NAV3: variants seen among roughly 807,000 people sequenced by gnomAD.
The protein encoded by NAV3 is neuron navigator 3.
Under a neutral mutation model 244.7 loss-of-function variants are expected in NAV3, and 87 were observed. The ratio of observed to expected loss-of-function variants is 0.36; its 90% confidence interval spans 0.30 to 0.42. The LOEUF (loss-of-function observed/expected upper bound fraction) is 0.42, where lower values mean the gene tolerates loss of function less well. NAV3 is among the 20% of genes least tolerant of loss of function. The pLI is 1.00. For synonymous variants in NAV3, 1,126 were observed against 1,042.2 expected (o/e 1.08, Z -1.55); for missense variants, 2,663 against 2,893.3 (o/e 0.92, Z 1.83).
chr12:78,122,272 C>G lies in NAV3; in HGVS notation c.4082C>G (p.Pro1361Arg), dbSNP rs751841384. The G allele has an allele frequency of 6.2e-7, 1 of 1,614,152 alleles. No individual in the cohort carries two copies. Among genetic ancestry groups the G allele is most frequent in the Non-Finnish European group, 8.5e-7 (1 of 1,180,032 alleles). ...TCCTCTGCAGGCAGCAAGGATACTC[C>G]GAGCTACCAGTCCATGACTAGCCTC... The part of the protein sequence containing the change: ...SSSSAGSKDT[P>R]SYQSMTSLHT... Residue 1361 changes from proline to arginine, a missense_variant, in exon 16 of 40, where the codon CCG (proline) becomes CGG (arginine). Around this residue, in one of 6 missense-constraint regions of NAV3, gnomAD observed 354 missense variants for 413.0 expected, o/e 0.86. Transcript: ENST00000397909.
chr12:77,763,375 C>T (rs370852599), intron 2 of NAV3, among the ~76,000 whole-genome samples: 12 of 152,260 alleles, frequency 7.9e-5, no homozygotes, highest in South Asian at 6.2e-4. Flanking sequence ...ACCTGCTAAA[C>T]AGGAGAGGTT....
chr12:78,081,960 A>G (rs1209930266), intron 12 of NAV3, among the ~76,000 whole-genome samples: 1 of 152,110 alleles, frequency 6.6e-6, no homozygotes, highest in Non-Finnish European at 1.5e-5. Context: ...CTGTCTCCCC[A>G]CCCAAATCTC....
At chr12:77,970,784 T>C (rs1445614124) in intron 5 of NAV3, among the ~76,000 whole-genome samples, 1 of 152,100 alleles carries the variant, frequency 6.6e-6, no homozygotes, top group Non-Finnish European at 1.5e-5. Context: ...TTATTTTTTG[T>C]GTGGATGTTT....
intron 2 of NAV3, among the ~76,000 whole-genome samples, chr12:77,576,511 A>G (rs758156962): frequency 1.1e-4 from 17 of 152,252 alleles, no homozygotes; most frequent in East Asian, 3.9e-4. Flanking sequence ...CCAGAGCTCT[A>G]CAGAGTAGAA....
Position 78,187,559 on chromosome 12 carries a change from T to C in NAV3, c.5791-689T>C, listed in dbSNP as rs138619632. Among the ~76,000 whole-genome samples the C allele has an allele frequency of 4.3e-3, 649 of 152,004 alleles. 5 individuals are homozygous for C. Among genetic ancestry groups the C allele is most frequent in the African/African-American group, 0.015 (628 of 41,544 alleles). ...GTAGAAATTTCTCAAAATCCCATCC[T>C]ACAAAAAAGATAGATTTGGAACCAT... On this transcript the variant is annotated intron_variant, in intron 31 of 39. Transcript: ENST00000397909.
intron 1 of NAV3, among the ~76,000 whole-genome samples, chr12:77,905,603 TAA>T (rs1236041210): frequency 6.6e-6 from 1 of 152,168 alleles, no homozygotes; most frequent in Non-Finnish European, 1.5e-5. Flanking sequence ...TTCTACATAT[TAA>T]GTTACATATT....
chr12:78,129,749 A>G (rs1956082554), intron 18 of NAV3, among the ~76,000 whole-genome samples: 1 of 152,128 alleles, frequency 6.6e-6, no homozygotes, highest in Non-Finnish European at 1.5e-5. Context: ...TTGATACATA[A>G]TCTTATTAGA....
chr12:78,061,767 G>A (rs1379750427), intron 12 of NAV3, among the ~76,000 whole-genome samples: 1 of 151,864 alleles, frequency 6.6e-6, no homozygotes, highest in Admixed American at 6.6e-5. Context: ...ATTTCAAGTA[G>A]GATAGGCAAG....
At chr12:77,817,498 T>C (rs1565825320) in intron 2 of NAV3, among the ~76,000 whole-genome samples, 1 of 151,728 alleles carries the variant, frequency 6.6e-6, no homozygotes, top group Non-Finnish European at 1.5e-5. Context: ...ATTAAAATGC[T>C]CTGCCAAGTT....
intron 9 of NAV3, among the ~76,000 whole-genome samples, chr12:78,040,852 G>T (rs895256547): frequency 2.6e-5 from 4 of 151,948 alleles, no homozygotes; most frequent in Non-Finnish European, 5.9e-5. Flanking sequence ...CTCCAATTTT[G>T]TCCCCTTCAC....
At chr12:78,086,804 C>T (rs899695837) in intron 12 of NAV3, among the ~76,000 whole-genome samples, 1 of 152,032 alleles carries the variant, frequency 6.6e-6, no homozygotes, top group East Asian at 1.9e-4. Context: ...ATGATCACTT[C>T]TTTCAATCAT....
Position 78,118,159 on chromosome 12 carries a change from C to T in NAV3, c.2902C>T (p.Leu968Phe), listed in dbSNP as rs1324118711. ...GGKWKTVSSG[L>F]PEDPEKAGQK... ...CAAGTGGAAGACTGTGTCCTCTGGA[C>T]TTCCTGAAGACCCCGAGAAGGCAGG... The change falls in exon 14 of 40, where the codon CTT becomes TTT. Residue 968 changes from leucine (L) to phenylalanine (F), a missense_variant. Leu to Phe is a conservative substitution (Grantham distance 22). This residue lies in a region of NAV3 where 1,521 missense variants were observed against 1,497.0 expected (regional missense o/e 1.02). Transcript: ENST00000397909. The T allele has an allele frequency of 1.9e-6, 3 of 1,614,044 alleles. No individual in the cohort carries two copies. Among genetic ancestry groups the T allele is most frequent in the South Asian group, 2.2e-5 (2 of 91,064 alleles).
intron 1 of NAV3, among the ~76,000 whole-genome samples, chr12:77,859,793 A>C (rs1001057920): frequency 2.1e-5 from 3 of 142,284 alleles, no homozygotes; most frequent in African/African-American, 7.5e-5. Flanking sequence ...CTAAATTGAT[A>C]ATCTTTTTGC....
At chr12:77,577,109 A>G (rs1311309389) in intron 2 of NAV3, among the ~76,000 whole-genome samples, 1 of 152,160 alleles carries the variant, frequency 6.6e-6, no homozygotes, top group Non-Finnish European at 1.5e-5. Flanking sequence ...ATGTGTAGAC[A>G]TAAACATGAA....
intron 3 of NAV3, among the ~76,000 whole-genome samples, chr12:77,943,977 C>A (rs545712761): frequency 1.1e-4 from 17 of 152,266 alleles, no homozygotes; most frequent in African/African-American, 4.1e-4. Flanking sequence ...AGGTAATTCA[C>A]ATGTAATCAA....
chr12:77,930,681 G>A (rs1478153946), intron 1 of NAV3, among the ~76,000 whole-genome samples: 2 of 152,080 alleles, frequency 1.3e-5, no homozygotes, highest in African/African-American at 4.8e-5. Flanking sequence ...TTGGTCACCT[G>A]TTTGTTGGAT....
intron 12 of NAV3, among the ~76,000 whole-genome samples, chr12:78,064,966 G>T (rs1342851138): frequency 1.3e-5 from 2 of 152,064 alleles, no homozygotes; most frequent in Admixed American, 6.6e-5. Flanking sequence ...CAATTTTTAA[G>T]TATTAGAACT....
intron 34 of NAV3, among the ~76,000 whole-genome samples, chr12:78,192,379 TTTTA>T (rs1959020114): frequency 6.6e-6 from 1 of 151,466 alleles, no homozygotes; most frequent in South Asian, 2.1e-4. Context: ...GTTTTTATTT[TTTTA>T]TTTTTTATTA....
intron 30 of NAV3, among the ~76,000 whole-genome samples, chr12:78,181,743 C>T (rs1052899442): frequency 6.6e-6 from 1 of 151,964 alleles, no homozygotes; most frequent in African/African-American, 2.4e-5. Context: ...GCACGGCCAC[C>T]AGATGACGCT....
Sources: gnomAD v4.1 joint callset for allele counts (sites outside exome capture counted in the v4.1 genomes callset) on GRCh38, gnomAD v4.1.1 for gene constraint, gnomAD v4.1.1 regional missense constraint, MANE v1.5 for transcripts, NCBI Gene and HGNC (gene_info 2026-07-23, HGNC 2026-07-21) for gene names.